Variants in PSMD14 observed in about 807,000 individuals in gnomAD.
PSMD14 encodes ubiquitin C-terminal hydrolase PSMD14.
In PSMD14, 7 loss-of-function variants were observed where a neutral mutation model predicts 41.2. That is an observed-to-expected ratio of 0.17 (90% CI 0.10 to 0.32). The LOEUF (loss-of-function observed/expected upper bound fraction) is 0.32. PSMD14 is among the 10% of genes least tolerant of loss of function. The pLI is 1.00. For synonymous variants in PSMD14, 114 were observed against 122.3 expected, an observed-to-expected ratio of 0.93 and a Z score of 0.45; for missense variants, 139 against 375.6, an observed-to-expected ratio of 0.37 and a Z score of 5.21.
At chr2:161,312,669 T>C (rs1487404528) in intron 1 of PSMD14, among the ~76,000 whole-genome samples, 2 of 152,214 alleles carry the variant, frequency 1.3e-5, no homozygotes, top group Non-Finnish European at 2.9e-5. Flanking sequence ...TTCCATAAAG[T>C]TAATTATATC....
intron 1 of PSMD14, among the ~76,000 whole-genome samples, chr2:161,316,024 A>C (rs562456523): frequency 2.5e-4 from 38 of 152,116 alleles, no homozygotes; most frequent in African/African-American, 9.2e-4. Flanking sequence ...TTGTATTTTT[A>C]GTAGACACAG....
intron 3 of PSMD14, among the ~76,000 whole-genome samples, chr2:161,334,277 G>A (rs1433261069): frequency 6.6e-6 from 1 of 152,064 alleles, no homozygotes; most frequent in Non-Finnish European, 1.5e-5. Context: ...TGGAGGTTGT[G>A]TTGAGCCAAG....
chr2:161,361,963 T>C (rs1683295153), intron 3 of PSMD14, among the ~76,000 whole-genome samples: 1 of 152,212 alleles, frequency 6.6e-6, no homozygotes, highest in South Asian at 2.1e-4. Context: ...TTGCTTGGTA[T>C]TTTTTTCTTC....
chr2:161,392,460 C>T (rs573901589), intron 9 of PSMD14, among the ~76,000 whole-genome samples: 2 of 152,134 alleles, frequency 1.3e-5, no homozygotes, highest in Non-Finnish European at 2.9e-5. Flanking sequence ...CACGCTTACC[C>T]CCTCTTTCAA....
intron 1 of PSMD14, among the ~76,000 whole-genome samples, chr2:161,314,258 G>C (rs976636331): frequency 6.6e-6 from 1 of 152,084 alleles, no homozygotes; most frequent in African/African-American, 2.4e-5. Context: ...CATCTCTTTA[G>C]AAAACAGGTT....
At chr2:161,397,686 T>G (rs1683820985) in intron 10 of PSMD14, among the ~76,000 whole-genome samples, 1 of 152,186 alleles carries the variant, frequency 6.6e-6, no homozygotes, top group African/African-American at 2.4e-5. Context: ...AGTGTAGCAA[T>G]AAGACTTTTG....
At chr2:161,391,533 C>T (rs756818917) in intron 9 of PSMD14, among the ~76,000 whole-genome samples, 8 of 152,020 alleles carry the variant, frequency 5.3e-5, no homozygotes, top group Non-Finnish European at 1.0e-4. Flanking sequence ...TAATATATTG[C>T]TCTGTAAATT....
At position 161,371,270 on chromosome 2, in the gene PSMD14, C is replaced by T; in HGVS notation, c.410C>T (p.Ser137Leu). ...ACTCAGCAGAGCTTTGAAGCCTTGT[C>T]GGAGAGAGCTGTGGCAGTGGTTGTG... ...INTQQSFEAL[S>L]ERAVAVVVDP... The change falls in exon 7 of 12, where the codon TCG becomes TTG. Residue 137 changes from serine to leucine, a missense_variant. Physicochemically the swap from Ser to Leu is moderately radical, Grantham distance 145 (BLOSUM62 -2). Around this residue, in one of 4 missense-constraint regions of PSMD14, gnomAD observed 35 missense variants for 162.9 expected, o/e 0.21. Coordinates refer to ENST00000409682, the MANE Select transcript of PSMD14 (RefSeq NM_005805.6). The T allele has an allele frequency of 1.9e-6, 3 of 1,611,914 alleles. No individual in the cohort carries two copies. The highest frequency in any genetic ancestry group is 1.7e-6 in the Non-Finnish European group (2 of 1,178,870).
intron 1 of PSMD14, chr2:161,308,859 A>G (rs767845030): frequency 2.6e-5 from 4 of 152,380 alleles, no homozygotes; most frequent in East Asian, 1.9e-4. Flanking sequence ...TCTTCCATCT[A>G]TATAGAGAGA....
At chr2:161,318,979 A>G in intron 3 of PSMD14, 106 bp downstream of exon 3, 1 of 802,222 alleles carries the variant, frequency 1.2e-6, no homozygotes, top group Admixed American at 2.9e-5. Context: ...CTAACAGATA[A>G]CTCTATGGTA....
chr2:161,393,851 T>C (rs1683750650), intron 9 of PSMD14, among the ~76,000 whole-genome samples: 1 of 151,956 alleles, frequency 6.6e-6, no homozygotes, highest in African/African-American at 2.4e-5. Flanking sequence ...TAGGAACATC[T>C]AAGAATAAGT....
At chr2:161,360,366 GTTTT>G (rs34061827) in intron 3 of PSMD14, among the ~76,000 whole-genome samples, 1 of 131,550 alleles carries the variant, frequency 7.6e-6, no homozygotes. Flanking sequence ...CTTTCATATT[GTTTT>G]TTTTTTTTTT....
At chr2:161,313,141 TGTAA>T (rs749609020) in intron 1 of PSMD14, among the ~76,000 whole-genome samples, 5 of 152,088 alleles carry the variant, frequency 3.3e-5, no homozygotes, top group Non-Finnish European at 7.4e-5. Context: ...ACAGGGAACT[TGTAA>T]GTGTCAGAGC....
intron 3 of PSMD14, among the ~76,000 whole-genome samples, chr2:161,361,945 A>T (rs1683294848): frequency 6.6e-6 from 1 of 152,054 alleles, no homozygotes; most frequent in Non-Finnish European, 1.5e-5. Context: ...ATTTGATCTT[A>T]CCTTATGTTG....
At chr2:161,380,053 T>TC (rs1440087030) in intron 7 of PSMD14, among the ~76,000 whole-genome samples, 1 of 152,034 alleles carries the variant, frequency 6.6e-6, no homozygotes, top group Non-Finnish European at 1.5e-5. Context: ...GCTGGGCAAC[T>TC]CCATCAGTGC....
chr2:161,389,321 C>T (rs2194726), intron 8 of PSMD14, among the ~76,000 whole-genome samples: 10,056 of 152,224 alleles, frequency 0.066, 451 homozygotes, highest in East Asian at 0.15. Context: ...CCACTCTCTA[C>T]GCCAGACTAT....
rs146688992 is a variant in PSMD14 at position 161,321,661 on chromosome 2, C to T, written c.48+2788C>T. On this transcript the variant is annotated intron_variant, in intron 3 of 11. Transcript: ENST00000409682. ...CTGAGTATAAATTTGGAGGTCCTCACAACCTCCTCAGGTTTGATAATTCAC... is the reference window on the plus strand; with the variant it reads ...CTGAGTATAAATTTGGAGGTCCTCATAACCTCCTCAGGTTTGATAATTCAC... 1.9e-3 allele frequency among the ~76,000 whole-genome samples: 293 copies of T among 152,304 alleles called. 2 individuals carry two copies. Among genetic ancestry groups the T allele is most frequent in the African/African-American group, 6.8e-3 (283 of 41,554 alleles).
At chr2:161,409,299 T>G (rs1683994576) in intron 11 of PSMD14, among the ~76,000 whole-genome samples, 1 of 152,070 alleles carries the variant, frequency 6.6e-6, no homozygotes. Context: ...TAGAGCCTTA[T>G]TGGGTTATAC....
At chr2:161,406,204 T>C (rs1683945730) in intron 10 of PSMD14, among the ~76,000 whole-genome samples, 1 of 152,120 alleles carries the variant, frequency 6.6e-6, no homozygotes, top group Admixed American at 6.6e-5. Context: ...CTCTGTAAGA[T>C]AGGGGATACA....
Sources: gnomAD v4.1 joint callset for allele counts (sites outside exome capture counted in the v4.1 genomes callset) on GRCh38, gnomAD v4.1.1 for gene constraint, gnomAD v4.1.1 regional missense constraint, MANE v1.5 for transcripts, NCBI Gene and HGNC (gene_info 2026-07-23, HGNC 2026-07-21) for gene names.